Variants in NAV1 observed in about 807,000 individuals in gnomAD.
NAV1 encodes pore membrane and/or filament interacting like protein 3.
A neutral mutation model predicts 175.2 loss-of-function variants in NAV1; 18 were observed. The observed-to-expected ratio is 0.10, with a 90% CI of 0.07 to 0.15. The LOEUF is 0.15. Ranked by LOEUF, NAV1 falls within the 10% of genes least tolerant of loss-of-function variation. The pLI is 1.00. For synonymous variants in NAV1, 897 were observed against 978.7 expected (o/e 0.92, Z 1.56); for missense variants, 1,731 against 2,436.6 (o/e 0.71, Z 6.10).
intron 2 of NAV1, among the ~76,000 whole-genome samples, chr1:201,602,672 T>G (rs1417022278): frequency 1.4e-5 from 2 of 146,424 alleles, no homozygotes. Flanking sequence ...TTTTGGTTTT[T>G]TTTTTACCAT....
exon 1 of NAV1, chr1:201,622,998 G>A: frequency 1.0e-6 from 1 of 986,144 alleles, no homozygotes; most frequent in Non-Finnish European, 1.2e-6. Flanking sequence ...CTTCTCCCCA[G>A]CTGCGGCCAC....
intron 3 of NAV1, among the ~76,000 whole-genome samples, chr1:201,779,665 T>C (rs1169173306): frequency 6.8e-6 from 1 of 146,758 alleles, no homozygotes; most frequent in Non-Finnish European, 1.5e-5. Context: ...TACAAAGATA[T>C]GGAGGTTGTA....
chr1:201,687,855 C>T (rs1348752043), intron 1 of NAV1, among the ~76,000 whole-genome samples: 5 of 152,200 alleles, frequency 3.3e-5, no homozygotes, highest in African/African-American at 9.7e-5. Context: ...CTCCAAGGCC[C>T]TCCCTCAGAT....
intron 1 of NAV1, among the ~76,000 whole-genome samples, chr1:201,585,402 A>G (rs1365076375): frequency 6.6e-6 from 1 of 152,202 alleles, no homozygotes; most frequent in Non-Finnish European, 1.5e-5. Context: ...CTACATGAAC[A>G]TAGGAAAGGC....
chr1:201,623,478 G>A (rs1334401719), exon 1 of NAV1: 1 of 985,930 alleles, frequency 1.0e-6, no homozygotes, highest in African/African-American at 1.7e-5. Context: ...CAGCTTCGTG[G>A]GCTTCCTCTC....
intron 8 of NAV1, 129 bp downstream of exon 12, chr1:201,785,480 G>A: frequency 3.1e-6 from 3 of 970,908 alleles, no homozygotes; most frequent in South Asian, 1.5e-5. Context: ...ATTTGTATGT[G>A]GTCCCATACA....
intron 1 of NAV1, among the ~76,000 whole-genome samples, chr1:201,565,840 A>G (rs921756995): frequency 3.9e-5 from 6 of 152,224 alleles, no homozygotes; most frequent in Non-Finnish European, 7.4e-5. Context: ...TTGTGGCTTC[A>G]GGCCAGCATT....
At chr1:201,643,431 CTCTTTTTTT>C (rs1668874968), upstream of NAV1, among the ~76,000 whole-genome samples, 6 of 144,658 alleles carry the variant, frequency 4.1e-5, no homozygotes, top group Non-Finnish European at 9.0e-5. Flanking sequence ...TTCCTTCTTT[CTCTTTTTTT>C]TCTTTTTTTT....
At chr1:201,577,582 A>G (rs1401980139) in intron 1 of NAV1, among the ~76,000 whole-genome samples, 1 of 151,848 alleles carries the variant, frequency 6.6e-6, no homozygotes, top group Non-Finnish European at 1.5e-5. Flanking sequence ...TTTGTCAAAA[A>G]TCAGTTGGGC....
intron 1 of NAV1, among the ~76,000 whole-genome samples, chr1:201,652,776 G>A (rs1032435741): frequency 6.6e-6 from 1 of 152,178 alleles, no homozygotes; most frequent in African/African-American, 2.4e-5. Flanking sequence ...AAGAGAGCCT[G>A]TATTAATACA....
chr1:201,549,770 G>A (rs1428731417), intron 1 of NAV1, among the ~76,000 whole-genome samples: 1 of 150,346 alleles, frequency 6.7e-6, no homozygotes, highest in African/African-American at 2.4e-5. Context: ...CAGCACTTCG[G>A]GAGGCTGAAG....
Position 201,788,780 on chromosome 1 carries a change from C to G in NAV1, c.3166+142C>G. 9.7e-7 allele frequency: 1 copy of G among 1,035,622 alleles called. No individual in the cohort carries two copies. The allele number at this position is 1,035,622 out of a possible 1,614,324, so 64.2% of individuals were successfully genotyped here. A position where few individuals can be genotyped will look rare whatever the true frequency, so the allele number is the denominator to read the frequency against. ...AAGTTGGGCCATTTCAGTTTTTTCT[C>G]CCCATCCCTTTGAAGGGTCTGGGGA... On this transcript the variant is annotated intron_variant, in intron 10 of 29. Transcript: ENST00000367296. The surrounding 1 kb of genome is among the most constrained non-coding windows in gnomAD (Gnocchi z 5.7).
Position 201,631,773 on chromosome 1 carries a change from A to T in NAV1, c.4+2266A>T, listed in dbSNP as rs138894457. 1.9e-3 allele frequency among the ~76,000 whole-genome samples: 292 copies of T among 152,366 alleles called. 7 individuals carry two copies. The highest frequency in any genetic ancestry group is 2.1e-3 in the Non-Finnish European group (144 of 68,038). On this transcript the variant is annotated intron_variant, in intron 2 of 29. Coordinates refer to the NAV1 transcript ENST00000367302. ...ATTTATATAATTCACAGAATCCAGC[A>T]TAGTTATTTGACAGTTATTGATCAT...
In NAV1 at chr1:201,811,612, C is replaced by T. The variant is rs748749878; in HGVS notation, c.4807C>T (p.Leu1603=). The change falls in exon 25 of 30, where the codon CTG becomes TTG. Residue 1603 remains leucine, a synonymous_variant. Coordinates refer to ENST00000367296, the Ensembl canonical transcript of NAV1. ...CCTTCTTTTATTCCAGGATCTGCAACTGTATCTTTCCAACCTAGCCAACCA... is the reference window on the plus strand; with the variant it reads ...CCTTCTTTTATTCCAGGATCTGCAATTGTATCTTTCCAACCTAGCCAACCA... 6 of 1,614,128 alleles carry T rather than the reference C, an allele frequency of 3.7e-6. No individual in the cohort carries two copies. In the South Asian group the frequency reaches 6.6e-5, roughly 18 times the overall value.
chr1:201,581,716 C>A (rs920674499), intron 1 of NAV1, among the ~76,000 whole-genome samples: 1 of 151,722 alleles, frequency 6.6e-6, no homozygotes, highest in African/African-American at 2.4e-5. Flanking sequence ...GTTATCCCAG[C>A]TACTCTGGAG....
intron 2 of NAV1, among the ~76,000 whole-genome samples, chr1:201,598,865 A>G (rs1424525335): frequency 6.6e-6 from 1 of 152,066 alleles, no homozygotes; most frequent in Non-Finnish European, 1.5e-5. Context: ...GGGGGGTGTT[A>G]TTGTTTTCTG....
intron 3 of NAV1, among the ~76,000 whole-genome samples, chr1:201,757,345 T>C (rs1377414556): frequency 1.3e-5 from 2 of 152,170 alleles, no homozygotes; most frequent in African/African-American, 2.4e-5. Context: ...CATAGCTCAC[T>C]GTGACCTCTT....
exon 1 of NAV1, chr1:201,623,312 G>C (rs1668231422): frequency 2.0e-6 from 2 of 985,782 alleles, no homozygotes; most frequent in Non-Finnish European, 2.4e-6. Flanking sequence ...TGCCAGACCC[G>C]GGGCAGAAGC....
At chr1:201,693,096 G>T (rs1483129698) in intron 1 of NAV1, among the ~76,000 whole-genome samples, 3 of 152,212 alleles carry the variant, frequency 2.0e-5, no homozygotes, top group African/African-American at 7.2e-5. Flanking sequence ...GGTGGAGGAG[G>T]TGCCATCTGA....
Sources: allele counts gnomAD v4.1 joint callset (sites outside exome capture counted in the v4.1 genomes callset), GRCh38; gene constraint gnomAD v4.1.1; non-coding constraint Gnocchi (gnomAD v3.1); transcripts MANE v1.5; gene names NCBI Gene and HGNC (gene_info 2026-07-23, HGNC 2026-07-21).